Variants in ERICH3 observed in about 807,000 individuals in gnomAD.
ERICH3 encodes glutamate rich 3.
A neutral mutation model predicts 131.1 loss-of-function variants in ERICH3; 126 were observed. That is an observed-to-expected ratio of 0.96 (90% CI 0.83 to 1.11). The LOEUF is 1.11. ERICH3 is among the 50% of genes most tolerant of loss of function. ERICH3 has a pLI of 0.00. For synonymous variants in ERICH3, 695 were observed against 644.6 expected (o/e 1.08, Z -1.18); for missense variants, 2,050 against 1,810.7 (o/e 1.13, Z -2.40).
At chr1:74,574,675 G>A (rs1188090384) in intron 13 of ERICH3, among the ~76,000 whole-genome samples, 3 of 152,104 alleles carry the variant, frequency 2.0e-5, no homozygotes, top group Non-Finnish European at 4.4e-5. Flanking sequence ...TGGTAAACCT[G>A]GGTGCACAAG....
intron 11 of ERICH3, among the ~76,000 whole-genome samples, chr1:74,596,740 G>A (rs1174035431): frequency 6.6e-6 from 1 of 151,890 alleles, no homozygotes; most frequent in African/African-American, 2.4e-5. Context: ...TAGTGCCTGG[G>A]GTTGCCAACA....
chr1:74,641,976 C>T (rs1178557413), intron 4 of ERICH3, among the ~76,000 whole-genome samples: 2 of 152,102 alleles, frequency 1.3e-5, no homozygotes, highest in Admixed American at 1.3e-4. Context: ...GGTCTGGCTA[C>T]CTGGGCAAGG....
chr1:74,664,132 T>C (rs1196296854), intron 1 of ERICH3, among the ~76,000 whole-genome samples: 2 of 152,152 alleles, frequency 1.3e-5, no homozygotes, highest in Non-Finnish European at 2.9e-5. Flanking sequence ...AGTATAGCTT[T>C]ATCAGTATAG....
intron 2 of ERICH3, among the ~76,000 whole-genome samples, chr1:74,647,658 G>A (rs1175870471): frequency 6.6e-6 from 1 of 152,006 alleles, no homozygotes; most frequent in East Asian, 1.9e-4. Flanking sequence ...TACCCATACG[G>A]ATTGTTCACC....
At chr1:74,570,547 A>G (rs764257148) in intron 14 of ERICH3, 108 bp from the exon 15 acceptor site, 2 of 152,318 alleles carry the variant, frequency 1.3e-5, no homozygotes, top group Non-Finnish European at 2.9e-5. Context: ...TATGCAAAAA[A>G]TAATTTTAGT....
chr1:74,653,330 C>G (rs1015163758), intron 1 of ERICH3, among the ~76,000 whole-genome samples: 1 of 151,668 alleles, frequency 6.6e-6, no homozygotes, highest in Admixed American at 6.6e-5. Flanking sequence ...AGCTCCCAAT[C>G]TAGTGGGGAG....
chr1:74,633,531 GT>G lies in ERICH3; in HGVS notation c.604-1604del, dbSNP rs535651702. On this transcript the variant is annotated intron_variant, in intron 6 of 14. Transcript: ENST00000326665. The stretch of plus-strand genomic sequence containing the variant: ...TGCCTTCTTTGGAAATGGTTTACCA[GT>G]TTTTCAAAAAAATTAACATGTTGTT... Among the ~76,000 whole-genome samples, 242 of 152,040 alleles carry G rather than the reference GT, an allele frequency of 1.6e-3. 1 individual carries two copies. The highest frequency in any genetic ancestry group is 5.6e-3 in the African/African-American group (233 of 41,552).
chr1:74,656,909 A>T (rs1646590357), intron 1 of ERICH3, among the ~76,000 whole-genome samples: 1 of 152,174 alleles, frequency 6.6e-6, no homozygotes, highest in African/African-American at 2.4e-5. Context: ...CTTCAGACTC[A>T]TGTAAAATTC....
At chr1:74,599,263 A>C (rs1648004122) in intron 11 of ERICH3, among the ~76,000 whole-genome samples, 1 of 151,984 alleles carries the variant, frequency 6.6e-6, no homozygotes. Context: ...ATTCTAAAAT[A>C]GTTACAGAGA....
chr1:74,650,803 C>T (rs537808582), intron 1 of ERICH3, among the ~76,000 whole-genome samples: 31 of 150,770 alleles, frequency 2.1e-4, no homozygotes, highest in Non-Finnish European at 4.0e-4. Flanking sequence ...TTGAAACCAC[C>T]GGAAGTGAAA....
chr1:74,598,091 T>C (rs1469055137), intron 11 of ERICH3, among the ~76,000 whole-genome samples: 1 of 152,010 alleles, frequency 6.6e-6, no homozygotes, highest in Non-Finnish European at 1.5e-5. Context: ...AAAGTCTACC[T>C]ACTGCTGTTT....
At position 74,572,912 on chromosome 1, in the gene ERICH3, G is replaced by T; in HGVS notation, c.2798C>A (p.Ala933Asp). 6.2e-7 allele frequency: 1 copy of T among 1,613,850 alleles called. No individual in the cohort carries two copies. Among genetic ancestry groups the T allele is most frequent in the Non-Finnish European group, 8.5e-7 (1 of 1,179,984 alleles). ...REAATSEEGE[A>D]EGGVAVSDVG... is the part of the protein sequence containing the mutation. ...ATCACTCACAGCCACCCCACCCTCA[G>T]CCTCTCCCTCCTCCGATGTCGCTGC... Residue 933 changes from alanine to aspartate, a missense_variant, in exon 14 of 15, where the codon GCT (alanine) becomes GAT (aspartate). Physicochemically the swap from Ala to Asp is moderately radical, Grantham distance 126. Transcript: ENST00000326665.
At chr1:74,643,303 A>G (rs1267279547) in intron 3 of ERICH3, among the ~76,000 whole-genome samples, 1 of 152,150 alleles carries the variant, frequency 6.6e-6, no homozygotes, top group East Asian at 1.9e-4. Flanking sequence ...TATATTAAGC[A>G]GTTAAAAGTG....
At chr1:74,591,140 G>A (rs781604467) in intron 11 of ERICH3, among the ~76,000 whole-genome samples, 41 of 152,288 alleles carry the variant, frequency 2.7e-4, no homozygotes, top group Non-Finnish European at 4.7e-4. Flanking sequence ...ACTTGCATGT[G>A]TGTGTGTACA....
Position 74,572,592 on chromosome 1 carries a change from C to G in ERICH3, c.3118G>C (p.Ala1040Pro). The change falls in exon 14 of 15, where the codon GCT (alanine) becomes CCT (proline). Residue 1040 changes from alanine to proline, a missense_variant. Coordinates refer to ENST00000326665, the MANE Select transcript of ERICH3 (RefSeq NM_001002912.5). ...EGEEMVTEAE[A>P]NREDDRKEIL... The stretch of plus-strand genomic sequence containing the variant: ...TCTTTCCTATCATCTTCCCTATTAG[C>G]TTCTGCCTCAGTCACCATCTCTTCC... 3.1e-6 allele frequency: 5 copies of G among 1,614,080 alleles called. No homozygotes were observed. Among genetic ancestry groups the G allele is most frequent in the Non-Finnish European group, 4.2e-6 (5 of 1,180,004 alleles).
intron 11 of ERICH3, among the ~76,000 whole-genome samples, chr1:74,597,921 G>C (rs1251090364): frequency 6.6e-6 from 1 of 151,884 alleles, no homozygotes; most frequent in Non-Finnish European, 1.5e-5. Flanking sequence ...TCTATCCTCT[G>C]AACATCTGTT....
intron 3 of ERICH3, among the ~76,000 whole-genome samples, chr1:74,646,151 G>T (rs1444162254): frequency 6.6e-6 from 1 of 152,064 alleles, no homozygotes; most frequent in Non-Finnish European, 1.5e-5. Flanking sequence ...CCTACGGTAG[G>T]AGGGACAGCA....
intron 8 of ERICH3, among the ~76,000 whole-genome samples, chr1:74,617,174 C>CAAA (rs5775248): frequency 0.015 from 2,051 of 138,230 alleles, 44 homozygotes; most frequent in African/African-American, 0.05. Flanking sequence ...AAAAAACAAA[C>CAAA]AAAAAAAAAA....
chr1:74,652,963 C>A (rs990676315), intron 1 of ERICH3, among the ~76,000 whole-genome samples: 1 of 152,126 alleles, frequency 6.6e-6, no homozygotes, highest in Non-Finnish European at 1.5e-5. Flanking sequence ...CATGCTGGTT[C>A]CTGTTTCCCT....
Sources: allele counts gnomAD v4.1 joint callset (sites outside exome capture counted in the v4.1 genomes callset), GRCh38; gene constraint gnomAD v4.1.1; transcripts MANE v1.5; gene names NCBI Gene and HGNC (gene_info 2026-07-23, HGNC 2026-07-21).